The following DIS3L2 variants were observed in gnomAD, a reference collection of about 807,000 sequenced individuals.
DIS3L2 encodes the protein DIS3 like 3'-5' exoribonuclease 2, also known as DIS3-like exonuclease 2.
DIS3L2 carries 34 observed loss-of-function variants against 97.5 expected under a neutral mutation model. The ratio of observed to expected loss-of-function variants is 0.35; its 90% CI spans 0.27 to 0.46. The LOEUF (loss-of-function observed/expected upper bound fraction) is 0.46, where lower values mean the gene tolerates loss of function less well. Among genes scored for constraint, DIS3L2 ranks in the 20% least tolerant of loss-of-function variants. The pLI is 1.00. For synonymous variants in DIS3L2, 435 were observed against 445.2 expected (o/e 0.98, Z 0.29); for missense variants, 1,038 against 1,146.0 (o/e 0.91, Z 1.36).
At chr2:232,233,265 C>G (rs1479587177) in intron 10 of DIS3L2, among the ~76,000 whole-genome samples, 1 of 152,186 alleles carries the variant, frequency 6.6e-6, no homozygotes, top group African/African-American at 2.4e-5. Flanking sequence ...GCTGGGAAGT[C>G]CAAGATCAAG....
intron 6 of DIS3L2, among the ~76,000 whole-genome samples, chr2:232,092,780 T>C (rs939792863): frequency 6.6e-6 from 1 of 152,180 alleles, no homozygotes; most frequent in Non-Finnish European, 1.5e-5. Flanking sequence ...TCAGTTCTAA[T>C]AGTTTTTTGG....
intron 14 of DIS3L2, among the ~76,000 whole-genome samples, chr2:232,304,939 CTTT>C (rs901250051): frequency 9.2e-5 from 14 of 152,266 alleles, no homozygotes; most frequent in Admixed American, 7.2e-4. Context: ...TCTTTCCTCT[CTTT>C]TTTCTATTTC....
chr2:231,962,931 C>T (rs1025066868), intron 1 of DIS3L2, among the ~76,000 whole-genome samples: 2 of 151,204 alleles, frequency 1.3e-5, no homozygotes, highest in Non-Finnish European at 2.9e-5. Context: ...TTTTTTGTGG[C>T]TGCATAGTAT....
intron 1 of DIS3L2, among the ~76,000 whole-genome samples, chr2:231,992,517 C>T (rs13384621): frequency 6.6e-6 from 1 of 152,176 alleles, no homozygotes; most frequent in South Asian, 2.1e-4. Flanking sequence ...TTGCTTCCAC[C>T]TTTCCCGCTT....
At chr2:232,279,751 A>G (rs1694235971) in intron 13 of DIS3L2, among the ~76,000 whole-genome samples, 1 of 152,062 alleles carries the variant, frequency 6.6e-6, no homozygotes, top group Non-Finnish European at 1.5e-5. Flanking sequence ...GGCTTGTCTC[A>G]AACTCCTGAC....
At chr2:231,981,186 T>C (rs7558131) in intron 1 of DIS3L2, among the ~76,000 whole-genome samples, 2 of 152,126 alleles carry the variant, frequency 1.3e-5, no homozygotes, top group East Asian at 3.9e-4. Flanking sequence ...TCAAGTGATC[T>C]GCCTACCTTG....
At chr2:232,193,742 C>A (rs1235402675) in intron 9 of DIS3L2, among the ~76,000 whole-genome samples, 1 of 152,170 alleles carries the variant, frequency 6.6e-6, no homozygotes, top group Non-Finnish European at 1.5e-5. Flanking sequence ...AGTAGTTTCA[C>A]AAATAATGTT....
At chr2:232,186,445 G>T (rs1487441359) in intron 9 of DIS3L2, among the ~76,000 whole-genome samples, 2 of 152,150 alleles carry the variant, frequency 1.3e-5, no homozygotes, top group Non-Finnish European at 2.9e-5. Context: ...TTCAAGCCCA[G>T]ATGGTTTCAC....
chr2:232,265,607 TTAACTAAA>T (rs1693834206), intron 13 of DIS3L2, among the ~76,000 whole-genome samples: 1 of 152,202 alleles, frequency 6.6e-6, no homozygotes, highest in South Asian at 2.1e-4. Flanking sequence ...ATTATGCAGT[TTAACTAAA>T]TATCAGGGAA....
chr2:232,059,082 G>A (rs575362446), intron 5 of DIS3L2, among the ~76,000 whole-genome samples: 1 of 152,276 alleles, frequency 6.6e-6, no homozygotes, highest in East Asian at 1.9e-4. Flanking sequence ...ATTTTGGAAT[G>A]CAATTTCAAA....
At chr2:232,130,775 G>A in intron 7 of DIS3L2, 56 bp downstream of exon 7, 1 of 1,599,828 alleles carries the variant, frequency 6.3e-7, no homozygotes, top group Non-Finnish European at 8.5e-7. Context: ...TGAGCTACTT[G>A]TTGAAGATCT....
rs1694705690 is a variant in DIS3L2 at position 232,027,966 on chromosome 2, A to G, written c.265-2013A>G. Among the ~76,000 whole-genome samples, 4 of 152,210 alleles carry G rather than the reference A, an allele frequency of 2.6e-5. No homozygotes were observed. The South Asian group carries it at 8.3e-4, about 32-fold the overall frequency. ...GAAAAACCTGTCATTTTTAAAAAGC[A>G]CAGTTTCTATTCTGAATTATGTAAA... On this transcript the variant is annotated intron_variant, in intron 4 of 20. Transcript: ENST00000325385.
At chr2:232,133,981 C>A (rs1698286815) in intron 7 of DIS3L2, among the ~76,000 whole-genome samples, 1 of 7,062 alleles carries the variant, frequency 1.4e-4, no homozygotes. Flanking sequence ...GAGCAAGACT[C>A]TGTCTCAAAA....
intron 8 of DIS3L2, among the ~76,000 whole-genome samples, chr2:232,157,265 G>T (rs899418628): frequency 4.9e-4 from 75 of 152,224 alleles, no homozygotes; most frequent in African/African-American, 1.5e-3. Context: ...TTTTATGTGT[G>T]GGTCTTAAGT....
intron 8 of DIS3L2, among the ~76,000 whole-genome samples, chr2:232,162,415 T>C (rs971564033): frequency 2.0e-5 from 3 of 152,182 alleles, no homozygotes; most frequent in African/African-American, 7.2e-5. Context: ...AGGCTGAAGA[T>C]TGGAATTTGT....
At chr2:231,980,388 T>G (rs550457324) in intron 1 of DIS3L2, among the ~76,000 whole-genome samples, 1 of 152,282 alleles carries the variant, frequency 6.6e-6, no homozygotes, top group East Asian at 1.9e-4. Flanking sequence ...CCCATTTTTT[T>G]TCATTTGATT....
Position 232,140,346 on chromosome 2 carries a change from T to A in DIS3L2, c.950+3627T>A, listed in dbSNP as rs549006599. ...TTTGTTTTACTTGGCCATGAACTCC[T>A]TTAGGACAAGGACACTTGGTGAACA... On this transcript the variant is annotated intron_variant, in intron 8 of 20. Coordinates refer to ENST00000325385, the MANE Select transcript of DIS3L2 (RefSeq NM_152383.5). Among the ~76,000 whole-genome samples, 6 of 152,318 alleles carry A rather than the reference T, an allele frequency of 3.9e-5. No homozygotes were observed. The South Asian group carries it at 1.2e-3, about 32-fold the overall frequency.
At chr2:232,260,851 G>A (rs1310648364) in intron 12 of DIS3L2, among the ~76,000 whole-genome samples, 2 of 152,158 alleles carry the variant, frequency 1.3e-5, no homozygotes, top group African/African-American at 2.4e-5. Flanking sequence ...CACCTGGGCT[G>A]GGCTCAGTCC....
chr2:231,999,126 C>T (rs534135535), intron 1 of DIS3L2, among the ~76,000 whole-genome samples: 2 of 152,190 alleles, frequency 1.3e-5, no homozygotes, highest in Admixed American at 6.5e-5. Context: ...TGAAAGCAGC[C>T]ATAGATAATT....
Sources: gnomAD v4.1 joint callset for allele counts (sites outside exome capture counted in the v4.1 genomes callset) on GRCh38, gnomAD v4.1.1 for gene constraint, MANE v1.5 for transcripts, NCBI Gene and HGNC (gene_info 2026-07-23, HGNC 2026-07-21) for gene names.